The following PSMA1 variants were observed in gnomAD, a reference collection of about 807,000 sequenced individuals.
PSMA1 encodes proteasome 20S subunit alpha 1, also known as proteasome subunit alpha type-1.
Under a neutral mutation model 38.4 loss-of-function variants are expected in PSMA1, and 3 were observed. The observed-to-expected ratio is 0.08, with a 90% confidence interval of 0.04 to 0.20. The LOEUF (loss-of-function observed/expected upper bound fraction) is 0.20. Among genes scored for constraint, PSMA1 ranks in the 10% least tolerant of loss-of-function variants. The pLI, the probability that PSMA1 is intolerant of heterozygous loss-of-function variation, is 1.00. For synonymous variants in PSMA1, 101 were observed against 107.1 expected (o/e 0.94, Z 0.35); for missense variants, 227 against 325.3 (o/e 0.70, Z 2.32).
intron 1 of PSMA1, among the ~76,000 whole-genome samples, chr11:14,634,200 T>C (rs1853082056): frequency 1.3e-5 from 2 of 152,196 alleles, no homozygotes; most frequent in Non-Finnish European, 2.9e-5. Flanking sequence ...TCCCCCCCGG[T>C]CTGTGGAAAA....
chr11:14,523,070 C>T (rs1368243375), upstream of PSMA1, among the ~76,000 whole-genome samples: 1 of 152,140 alleles, frequency 6.6e-6, no homozygotes, highest in African/African-American at 2.4e-5. Context: ...TGCGATACAT[C>T]CTTTATTCAC....
In PSMA1 at chr11:14,586,386, C is replaced by T. The variant is rs779601439; in HGVS notation, c.21+24580G>A. ...GGCAGAGGCTGCAGTGAGCCGAGAT[C>T]GTGCCATTGTACTCCAGCCTGGGCG... On this transcript the variant is annotated intron_variant, in intron 2 of 10. Coordinates refer to the PSMA1 transcript ENST00000418988. 3.3e-5 allele frequency among the ~76,000 whole-genome samples: 5 copies of T among 151,748 alleles called. No individual in the cohort carries two copies. In the East Asian group the frequency reaches 5.8e-4, roughly 18 times the overall value.
chr11:14,517,824 A>G, intron 3 of PSMA1, 56 bp downstream of exon 3: 3 of 1,525,586 alleles, frequency 2.0e-6, no homozygotes, highest in African/African-American at 1.4e-5. Context: ...CTTATTTTCT[A>G]TGGTGAAATT....
At chr11:14,552,441 C>T (rs1851896323) in intron 2 of PSMA1, among the ~76,000 whole-genome samples, 1 of 152,108 alleles carries the variant, frequency 6.6e-6, no homozygotes, top group Admixed American at 6.5e-5. Context: ...TTTTCTTGCA[C>T]ATCTGAAATT....
chr11:14,638,182 C>T (rs1253757569), intron 1 of PSMA1, among the ~76,000 whole-genome samples: 3 of 152,070 alleles, frequency 2.0e-5, no homozygotes, highest in Non-Finnish European at 4.4e-5. Context: ...ATCAGAATGA[C>T]GCTAAAGTTT....
rs111928551 is a variant in PSMA1 at position 14,576,289 on chromosome 11, T to A, written c.21+34677A>T. 5.7e-3 allele frequency among the ~76,000 whole-genome samples: 864 copies of A among 152,324 alleles called. 8 individuals carry two copies. Among genetic ancestry groups the A allele is most frequent in the African/African-American group, 0.02 (830 of 41,556 alleles). ...GCAGAAGCTCTTTAGTTTAATTAGA[T>A]CCCATTTGTCAATTTTGGCTTTTGT... On this transcript the variant is annotated intron_variant, in intron 2 of 10. Transcript: ENST00000418988.
chr11:14,543,361 G>C (rs1228830115), intron 2 of PSMA1, among the ~76,000 whole-genome samples: 1 of 152,150 alleles, frequency 6.6e-6, no homozygotes, highest in Non-Finnish European at 1.5e-5. Flanking sequence ...TCTTAAGACT[G>C]TGGATTTGGC....
At chr11:14,585,760 G>A (rs962981219) in intron 2 of PSMA1, among the ~76,000 whole-genome samples, 33 of 152,124 alleles carry the variant, frequency 2.2e-4, no homozygotes, top group Non-Finnish European at 1.8e-4. Flanking sequence ...ATATTGCAGT[G>A]CAGTAGCCCT....
At chr11:14,612,990 G>C (rs1286934328) in intron 1 of PSMA1, among the ~76,000 whole-genome samples, 1 of 152,100 alleles carries the variant, frequency 6.6e-6, no homozygotes, top group Non-Finnish European at 1.5e-5. Flanking sequence ...CATTAAGATG[G>C]AGATAGGGAA....
In PSMA1 at chr11:14,593,810, T is replaced by C. The variant is rs1159873784; in HGVS notation, c.21+17156A>G. On this transcript the variant is annotated intron_variant, in intron 2 of 10. Transcript: ENST00000418988. Reference sequence around the variant, plus strand: ...TAAATCTCCAGTGGGTGAGTAGACATTGGTGTTGTTTACTCAAAATTCATT... The same window carrying C: ...TAAATCTCCAGTGGGTGAGTAGACACTGGTGTTGTTTACTCAAAATTCATT... Among the ~76,000 whole-genome samples, 7 of 152,174 alleles carry C rather than the reference T, an allele frequency of 4.6e-5. No homozygotes were observed. In the East Asian group the frequency reaches 1.3e-3, roughly 29 times the overall value.
In PSMA1 at chr11:14,590,278, A is replaced by G. The variant is rs569692918; in HGVS notation, c.21+20688T>C. On this transcript the variant is annotated intron_variant, in intron 2 of 10. Coordinates refer to the PSMA1 transcript ENST00000418988. ...GTGATGGATGGTGGTGATGGCTTGCACCACAATGTGAATGTACTTTACTAA... is the reference window on the plus strand; with the variant it reads ...GTGATGGATGGTGGTGATGGCTTGCGCCACAATGTGAATGTACTTTACTAA... Among the ~76,000 whole-genome samples, 4 of 152,336 alleles carry G rather than the reference A, an allele frequency of 2.6e-5. No individual in the cohort carries two copies. In the East Asian group the frequency reaches 7.7e-4, roughly 29 times the overall value.
chr11:14,528,466 G>T (rs1194085527), intron 2 of PSMA1, among the ~76,000 whole-genome samples: 2 of 151,912 alleles, frequency 1.3e-5, no homozygotes, highest in African/African-American at 4.8e-5. Flanking sequence ...TTCTTCAGTT[G>T]AATCTCTCCC....
At chr11:14,632,582 C>G (rs1853037055) in intron 1 of PSMA1, among the ~76,000 whole-genome samples, 1 of 151,520 alleles carries the variant, frequency 6.6e-6, no homozygotes, top group African/African-American at 2.4e-5. Context: ...CGACCTTTCT[C>G]TTTGGCTGCC....
intron 2 of PSMA1, among the ~76,000 whole-genome samples, chr11:14,580,990 A>C (rs1410310488): frequency 6.6e-6 from 1 of 152,222 alleles, no homozygotes; most frequent in Non-Finnish European, 1.5e-5. Flanking sequence ...ACAGATAGAA[A>C]GTGTCATACT....
chr11:14,628,507 T>A (rs1215425026), intron 1 of PSMA1, among the ~76,000 whole-genome samples: 2 of 150,886 alleles, frequency 1.3e-5, no homozygotes, highest in Non-Finnish European at 3.0e-5. Context: ...CATCCTTTTT[T>A]ATGGCTGCAT....
chr11:14,623,911 G>A (rs1051661738), intron 1 of PSMA1, among the ~76,000 whole-genome samples: 3 of 152,124 alleles, frequency 2.0e-5, no homozygotes, highest in African/African-American at 7.2e-5. Flanking sequence ...CAACTACAAG[G>A]GCTAGAGGGT....
intron 2 of PSMA1, among the ~76,000 whole-genome samples, chr11:14,602,571 T>A (rs1852595944): frequency 6.6e-6 from 1 of 152,150 alleles, no homozygotes; most frequent in Non-Finnish European, 1.5e-5. Flanking sequence ...AAATTTGACC[T>A]TTTTTTGATG....
chr11:14,563,746 A>G (rs1414794486), intron 2 of PSMA1, among the ~76,000 whole-genome samples: 1 of 152,206 alleles, frequency 6.6e-6, no homozygotes, highest in African/African-American at 2.4e-5. Flanking sequence ...TGTTAGGAAG[A>G]CTTTGTTGTC....
chr11:14,518,061 G>A (rs1589980433), intron 2 of PSMA1, 80 bp from the exon 3 acceptor site: 3 of 1,028,544 alleles, frequency 2.9e-6, no homozygotes, highest in Non-Finnish European at 2.8e-6. Flanking sequence ...AATATCAGGT[G>A]AGCACAGTTA....
Sources: gnomAD v4.1 joint callset for allele counts (sites outside exome capture counted in the v4.1 genomes callset) on GRCh38, gnomAD v4.1.1 for gene constraint, MANE v1.5 for transcripts, NCBI Gene and HGNC (gene_info 2026-07-23, HGNC 2026-07-21) for gene names.